Variants in RSRC1 observed in about 807,000 individuals in gnomAD.
RSRC1 encodes the protein arginine and serine rich coiled-coil 1, also known as serine/Arginine-related protein 53.
RSRC1 carries 39 observed loss-of-function variants against 49.1 expected under a neutral mutation model. The observed-to-expected ratio is 0.79, with a 90% confidence interval of 0.61 to 1.04. RSRC1 has a LOEUF of 1.04. RSRC1 is among the 50% of genes least tolerant of loss of function. The pLI is 0.00. For synonymous variants in RSRC1, 143 were observed against 130.8 expected (o/e 1.09, Z -0.63); for missense variants, 388 against 402.4 (o/e 0.96, Z 0.31).
chr3:158,478,731 A>G (rs897328838), intron 7 of RSRC1, among the ~76,000 whole-genome samples: 2 of 152,048 alleles, frequency 1.3e-5, no homozygotes, highest in African/African-American at 4.8e-5. Context: ...TAAAGAGGCC[A>G]GGAAAACCTA....
chr3:158,237,790 C>T (rs1445599806), intron 4 of RSRC1, among the ~76,000 whole-genome samples: 2 of 151,904 alleles, frequency 1.3e-5, no homozygotes, highest in South Asian at 2.1e-4. Context: ...AATTGAATAC[C>T]CTTTATTTCT....
At chr3:158,194,783 G>A (rs1257705490) in intron 3 of RSRC1, among the ~76,000 whole-genome samples, 3 of 151,826 alleles carry the variant, frequency 2.0e-5, no homozygotes, top group Admixed American at 1.3e-4. Flanking sequence ...TGCTGAGAAT[G>A]ATGGTTTCCA....
chr3:158,441,155 A>G (rs1431854735), intron 6 of RSRC1, among the ~76,000 whole-genome samples: 2 of 152,098 alleles, frequency 1.3e-5, no homozygotes, highest in Non-Finnish European at 2.9e-5. Context: ...ATGTTAACAA[A>G]TGGAATGATA....
intron 6 of RSRC1, among the ~76,000 whole-genome samples, chr3:158,405,776 A>C (rs1160340647): frequency 2.6e-5 from 4 of 152,132 alleles, no homozygotes; most frequent in Non-Finnish European, 5.9e-5. Flanking sequence ...AGAAATGTAG[A>C]ATGGGAAGAA....
intron 6 of RSRC1, among the ~76,000 whole-genome samples, chr3:158,375,195 ATTATT>A (rs1160819676): frequency 1.1e-5 from 1 of 87,580 alleles, no homozygotes; most frequent in African/African-American, 4.1e-5. Flanking sequence ...TATTATTATT[ATTATT>A]AACTTATTTT....
At chr3:158,488,317 T>C (rs1738916047) in intron 7 of RSRC1, among the ~76,000 whole-genome samples, 3 of 152,288 alleles carry the variant, frequency 2.0e-5, no homozygotes, top group Admixed American at 2.0e-4. Context: ...ATTGACAGCT[T>C]TGTTTTTCTT....
intron 7 of RSRC1, among the ~76,000 whole-genome samples, chr3:158,494,306 T>C (rs1452253506): frequency 3.3e-5 from 5 of 152,134 alleles, no homozygotes; most frequent in African/African-American, 1.2e-4. Flanking sequence ...TAGAAAAGTT[T>C]GGTAAAAATA....
intron 5 of RSRC1, among the ~76,000 whole-genome samples, chr3:158,349,872 A>G (rs1730770159): frequency 6.6e-6 from 1 of 150,824 alleles, no homozygotes; most frequent in Non-Finnish European, 1.5e-5. Context: ...TAATTTTTGT[A>G]TTTTTAGTAA....
intron 1 of RSRC1, among the ~76,000 whole-genome samples, chr3:158,115,486 G>C (rs749693002): frequency 1.3e-5 from 2 of 151,964 alleles, no homozygotes; most frequent in African/African-American, 2.4e-5. Flanking sequence ...ACATTGTTGA[G>C]GACTCCAATA....
chr3:158,482,580 C>CCCTT (rs1738654366), intron 7 of RSRC1, among the ~76,000 whole-genome samples: 1 of 151,982 alleles, frequency 6.6e-6, no homozygotes, highest in African/African-American at 2.4e-5. Context: ...TCCCCTCCAT[C>CCCTT]CCTTTGTTTT....
chr3:158,336,068 G>T (rs1441637744), intron 5 of RSRC1, among the ~76,000 whole-genome samples: 1 of 152,206 alleles, frequency 6.6e-6, no homozygotes. Flanking sequence ...CTGCCCAAAT[G>T]ATATGCTCTG....
chr3:158,393,536 C>G (rs67385174), intron 6 of RSRC1, among the ~76,000 whole-genome samples: 78,899 of 151,600 alleles, frequency 0.52, 20,969 homozygotes, highest in African/African-American at 0.61. Context: ...CTACAAACAC[C>G]TCTCTGCACA....
intron 6 of RSRC1, among the ~76,000 whole-genome samples, chr3:158,371,374 C>T (rs146353062): frequency 6.6e-6 from 1 of 151,696 alleles, no homozygotes. Context: ...CCCAAATTCC[C>T]CCATACCCCT....
At chr3:158,143,697 C>G (rs761608995) in intron 3 of RSRC1, among the ~76,000 whole-genome samples, 2 of 151,614 alleles carry the variant, frequency 1.3e-5, no homozygotes, top group Non-Finnish European at 2.9e-5. Context: ...AAATGAAAAA[C>G]AAAAACAAAA....
intron 4 of RSRC1, among the ~76,000 whole-genome samples, chr3:158,244,566 A>G (rs1429699658): frequency 6.6e-6 from 1 of 152,138 alleles, no homozygotes; most frequent in Non-Finnish European, 1.5e-5. Flanking sequence ...CATCAAGGAT[A>G]TTGGCCTGAA....
intron 4 of RSRC1, among the ~76,000 whole-genome samples, chr3:158,257,942 C>T (rs937262755): frequency 1.3e-5 from 2 of 152,168 alleles, no homozygotes; most frequent in Admixed American, 6.5e-5. Context: ...GCCTTAACTT[C>T]GTCCCCTTTC....
chr3:158,185,539 C>A (rs752941528), intron 3 of RSRC1, among the ~76,000 whole-genome samples: 2 of 151,732 alleles, frequency 1.3e-5, no homozygotes, highest in Non-Finnish European at 3.0e-5. Context: ...CTGTAAACAT[C>A]ATTTTGCTTT....
chr3:158,272,395 C>T (rs1005484155), intron 4 of RSRC1, among the ~76,000 whole-genome samples: 1 of 152,046 alleles, frequency 6.6e-6, no homozygotes, highest in Non-Finnish European at 1.5e-5. Context: ...TCATTTTGTG[C>T]CAGGATCATC....
intron 6 of RSRC1, among the ~76,000 whole-genome samples, chr3:158,369,845 G>C (rs1731971052): frequency 6.6e-6 from 1 of 151,994 alleles, no homozygotes; most frequent in African/African-American, 2.4e-5. Flanking sequence ...GAATTCAATT[G>C]AGTTATACAT....
Sources: allele counts gnomAD v4.1 joint callset (sites outside exome capture counted in the v4.1 genomes callset), GRCh38; gene constraint gnomAD v4.1.1; transcripts MANE v1.5; gene names NCBI Gene and HGNC (gene_info 2026-07-23, HGNC 2026-07-21).